The following LYN variants were observed in gnomAD, a reference collection of about 807,000 sequenced individuals.
LYN encodes tyrosine-protein kinase Lyn.
Under a neutral mutation model 65.0 loss-of-function variants are expected in LYN, and 12 were observed. The ratio of observed to expected loss-of-function variants is 0.18; its 90% CI spans 0.12 to 0.30. LYN has a LOEUF of 0.30. Among genes scored for constraint, LYN ranks in the 10% least tolerant of loss-of-function variants. The probability of loss-of-function intolerance (pLI) is 1.00; values close to 1 mark genes in which losing one functional copy is unlikely to be tolerated. For missense variants in LYN, 380 were observed against 623.2 expected, an observed-to-expected ratio of 0.61 and a Z score of 4.16; for synonymous variants, 222 against 221.2, an observed-to-expected ratio of 1.00 and a Z score of -0.03.
At chr8:55,913,517 A>C (rs953998091) in intron 1 of LYN, among the ~76,000 whole-genome samples, 7 of 152,240 alleles carry the variant, frequency 4.6e-5, no homozygotes, top group Non-Finnish European at 8.8e-5. Flanking sequence ...CTGAATTTCA[A>C]CTACATTAAA....
At chr8:55,920,695 GTA>G (rs1805921123) in intron 1 of LYN, among the ~76,000 whole-genome samples, 1 of 151,884 alleles carries the variant, frequency 6.6e-6, no homozygotes, top group South Asian at 2.1e-4. Flanking sequence ...TTTTGAGACA[GTA>G]TCTCACTCTG....
chr8:55,941,617 C>T (rs771899158), intron 1 of LYN, among the ~76,000 whole-genome samples: 2 of 152,116 alleles, frequency 1.3e-5, no homozygotes, highest in Non-Finnish European at 2.9e-5. Flanking sequence ...AGAATACGAG[C>T]AGAGTTAGAG....
chr8:55,900,428 A>G (rs947776028), intron 1 of LYN, among the ~76,000 whole-genome samples: 3 of 152,060 alleles, frequency 2.0e-5, no homozygotes, highest in African/African-American at 7.2e-5. Context: ...GCTGAAGTAC[A>G]GTGATGTGAT....
intron 1 of LYN, among the ~76,000 whole-genome samples, chr8:55,911,999 G>A (rs1546519): frequency 0.78 from 118,490 of 152,014 alleles, 46,874 homozygotes; most frequent in East Asian, 0.98. Context: ...GTTCTACCAC[G>A]TCCCTTCTAG....
At chr8:55,924,778 C>G (rs1353049284) in intron 1 of LYN, among the ~76,000 whole-genome samples, 2 of 152,174 alleles carry the variant, frequency 1.3e-5, no homozygotes, top group African/African-American at 4.8e-5. Flanking sequence ...CTTCTAGTAT[C>G]ATATACTGCA....
chr8:55,979,050 CTTTTTTTTTT>C (rs11287133), intron 10 of LYN, among the ~76,000 whole-genome samples: 1 of 74,294 alleles, frequency 1.3e-5, no homozygotes. Flanking sequence ...ACTTCTCATT[CTTTTTTTTTT>C]TTTTTTTTTT....
chr8:56,006,098 G>T (rs1014588920), intron 12 of LYN, among the ~76,000 whole-genome samples: 1 of 151,974 alleles, frequency 6.6e-6, no homozygotes, highest in Non-Finnish European at 1.5e-5. Flanking sequence ...AAAAGGTGGG[G>T]GTGTCTTGTT....
chr8:55,991,121 G>A (rs1808236364), intron 10 of LYN, among the ~76,000 whole-genome samples: 1 of 152,204 alleles, frequency 6.6e-6, no homozygotes, highest in Admixed American at 6.5e-5. Flanking sequence ...GGGGTCTGAG[G>A]TCTATCCCTG....
chr8:55,989,300 G>C (rs1322731454), intron 10 of LYN, among the ~76,000 whole-genome samples: 2 of 152,196 alleles, frequency 1.3e-5, no homozygotes, highest in Non-Finnish European at 2.9e-5. Flanking sequence ...TTTGAGCTCT[G>C]CTTGGATTTG....
intron 12 of LYN, among the ~76,000 whole-genome samples, chr8:56,005,494 G>T (rs1275558396): frequency 6.6e-6 from 1 of 152,214 alleles, no homozygotes; most frequent in African/African-American, 2.4e-5. Flanking sequence ...ACCACACAGT[G>T]TGTGCCTTCC....
intron 1 of LYN, among the ~76,000 whole-genome samples, chr8:55,919,659 C>T (rs925602432): frequency 1.3e-5 from 2 of 152,196 alleles, no homozygotes; most frequent in Non-Finnish European, 2.9e-5. Flanking sequence ...GTAACTTCCT[C>T]CTCCTGGGGC....
chr8:55,902,746 C>T (rs1805307426), intron 1 of LYN: 4 of 505,212 alleles, frequency 7.9e-6, no homozygotes, highest in South Asian at 5.8e-5. Context: ...CTCATTGTCA[C>T]CACTGCAATA....
rs1302478568 is a variant in LYN, at chr8:55,967,589, T to G, written c.973+692T>G. Among the ~76,000 whole-genome samples the G allele has an allele frequency of 3.3e-5, 5 of 152,326 alleles. No individual in the cohort carries two copies. The East Asian group carries it at 9.6e-4, about 29-fold the overall frequency. Reference sequence around the variant, plus strand: ...CCTCAGCCTCTGAAAGTGCTAGGATTACAGGCATGAGCACCCAGCCTCTAT... The same window carrying G: ...CCTCAGCCTCTGAAAGTGCTAGGATGACAGGCATGAGCACCCAGCCTCTAT... On this transcript the variant is annotated intron_variant, in intron 9 of 12. Transcript: ENST00000519728.
intron 10 of LYN, among the ~76,000 whole-genome samples, chr8:55,980,826 T>C (rs1807897325): frequency 6.6e-6 from 1 of 152,256 alleles, no homozygotes; most frequent in Non-Finnish European, 1.5e-5. Context: ...AGTTTATGGT[T>C]GTTGGCAGTA....
chr8:55,958,648 A>G (rs573366005), intron 8 of LYN, among the ~76,000 whole-genome samples: 3 of 152,304 alleles, frequency 2.0e-5, no homozygotes, highest in African/African-American at 7.2e-5. Flanking sequence ...GGCAACCACC[A>G]TGCTACTTTC....
At chr8:55,980,683 T>A (rs1321974901) in intron 10 of LYN, 1 of 152,234 alleles carries the variant, frequency 6.6e-6, no homozygotes, top group African/African-American at 2.4e-5. Context: ...TGAGCCTCCC[T>A]CCTGTCTCTT....
intron 8 of LYN, among the ~76,000 whole-genome samples, chr8:55,965,199 G>A (rs565305011): frequency 1.3e-5 from 2 of 152,194 alleles, no homozygotes; most frequent in Non-Finnish European, 2.9e-5. Context: ...GTGGTGCCTC[G>A]GGGGAACTAT....
intron 1 of LYN, among the ~76,000 whole-genome samples, chr8:55,903,615 T>G (rs1267969485): frequency 6.6e-6 from 1 of 152,260 alleles, no homozygotes; most frequent in African/African-American, 2.4e-5. Flanking sequence ...TCTTTCTGTT[T>G]CTATGTTGAT....
At chr8:55,915,604 G>A (rs1036231513) in intron 1 of LYN, among the ~76,000 whole-genome samples, 32 of 152,328 alleles carry the variant, frequency 2.1e-4, no homozygotes, top group African/African-American at 7.2e-4. Flanking sequence ...TACTTTGGAG[G>A]CTGAGGCAGG....
Sources: gnomAD v4.1 joint callset for allele counts (sites outside exome capture counted in the v4.1 genomes callset) on GRCh38, gnomAD v4.1.1 for gene constraint, MANE v1.5 for transcripts, NCBI Gene and HGNC (gene_info 2026-07-23, HGNC 2026-07-21) for gene names.